The following ADGB variants were observed in gnomAD, a reference collection of about 807,000 sequenced individuals.
ADGB encodes the protein calpain-7-like protein.
Under a neutral mutation model 210.5 loss-of-function variants are expected in ADGB, and 172 were observed. The observed-to-expected ratio is 0.82, with a 90% CI of 0.72 to 0.93. The LOEUF (loss-of-function observed/expected upper bound fraction) is 0.93. ADGB is among the 40% of genes least tolerant of loss of function. ADGB has a pLI of 0.00. For synonymous variants in ADGB, 658 were observed against 662.7 expected (o/e 0.99, Z 0.11); for missense variants, 2,025 against 1,964.8 (o/e 1.03, Z -0.58).
intron 14 of ADGB, among the ~76,000 whole-genome samples, chr6:146,716,385 A>C: frequency 7.8e-6 from 1 of 128,590 alleles, no homozygotes; most frequent in African/African-American, 5.0e-5. Context: ...AGGTCAGGAG[A>C]TCGAGACCAT....
At chr6:146,695,060 A>G (rs1776384736) in intron 12 of ADGB, among the ~76,000 whole-genome samples, 1 of 152,164 alleles carries the variant, frequency 6.6e-6, no homozygotes, top group Non-Finnish European at 1.5e-5. Flanking sequence ...TGCTTCCTGG[A>G]TGAATCATAC....
At chr6:146,807,309 T>G in intron 35 of ADGB, 1 of 1,321,124 alleles carries the variant, frequency 7.6e-7, no homozygotes, top group South Asian at 1.4e-5. Flanking sequence ...TGTGTGGGCA[T>G]AAGGACAGGC....
rs190112363 is a variant in ADGB at position 146,627,462 on chromosome 6, G to T, written c.75-7913G>T. Among the ~76,000 whole-genome samples the T allele has an allele frequency of 1.9e-4, 29 of 152,098 alleles. No individual in the cohort carries two copies. The East Asian group carries it at 5.0e-3, about 26-fold the overall frequency. Reference sequence around the variant, plus strand: ...AACAGTCTGATTCTTTCATATCTTGGTTTTAAGATTTGTTACGTGGAACCA... The same window carrying T: ...AACAGTCTGATTCTTTCATATCTTGTTTTTAAGATTTGTTACGTGGAACCA... On this transcript the variant is annotated intron_variant, in intron 1 of 35. Coordinates refer to ENST00000397944, the MANE Select transcript of ADGB (RefSeq NM_024694.4).
intron 1 of ADGB, among the ~76,000 whole-genome samples, chr6:146,611,967 G>T (rs907011320): frequency 1.3e-5 from 2 of 152,106 alleles, no homozygotes; most frequent in Non-Finnish European, 1.5e-5. Context: ...AATGGCAAAA[G>T]CTTAAGATCT....
intron 9 of ADGB, among the ~76,000 whole-genome samples, chr6:146,683,804 T>C (rs1370371245): frequency 6.6e-6 from 1 of 152,026 alleles, no homozygotes; most frequent in Non-Finnish European, 1.5e-5. Context: ...ATAAGGAAAA[T>C]AAAAGTTCAA....
chr6:146,802,103 A>G, intron 35 of ADGB, 92 bp downstream of exon 35: 1 of 944,260 alleles, frequency 1.1e-6, no homozygotes, highest in East Asian at 3.4e-5. Flanking sequence ...TTTTGTATAG[A>G]AATAAGTCTT....
intron 5 of ADGB, 89 bp downstream of exon 5, chr6:146,657,069 C>A: frequency 8.1e-7 from 1 of 1,240,220 alleles, no homozygotes; most frequent in Non-Finnish European, 1.1e-6. Flanking sequence ...CCTGTAATCG[C>A]AGCACTTTGG....
intron 29 of ADGB, among the ~76,000 whole-genome samples, chr6:146,780,697 G>T (rs531954796): frequency 6.6e-6 from 1 of 151,984 alleles, no homozygotes; most frequent in East Asian, 1.9e-4. Flanking sequence ...AATACATGAA[G>T]CAAAAACTGA....
In ADGB at chr6:146,667,733, TA is replaced by T. The variant is rs368626351; in HGVS notation, c.839+833del. Among the ~76,000 whole-genome samples, 609 of 152,202 alleles carry T rather than the reference TA, an allele frequency of 4.0e-3. 1 individual carries two copies. The highest frequency in any genetic ancestry group is 0.014 in the African/African-American group (593 of 41,566). ...AATATAGAAACATAACAGCAACTTTTAATTGGCCACATCTATATGGAAATAA... is the reference window on the plus strand; with the variant it reads ...AATATAGAAACATAACAGCAACTTTTATTGGCCACATCTATATGGAAATAA... On this transcript the variant is annotated intron_variant, in intron 7 of 35. Coordinates refer to ENST00000397944, the MANE Select transcript of ADGB (RefSeq NM_024694.4).
intron 1 of ADGB, among the ~76,000 whole-genome samples, chr6:146,608,016 C>A (rs1780655728): frequency 6.6e-6 from 1 of 152,100 alleles, no homozygotes; most frequent in African/African-American, 2.4e-5. Context: ...TGCAGTGAAT[C>A]CATCTGGTCC....
intron 26 of ADGB, among the ~76,000 whole-genome samples, chr6:146,751,927 G>T (rs1330602374): frequency 6.6e-6 from 1 of 151,716 alleles, no homozygotes; most frequent in African/African-American, 2.4e-5. Context: ...TACTATATTG[G>T]GATCCTTTGC....
intron 1 of ADGB, among the ~76,000 whole-genome samples, chr6:146,610,537 C>A (rs557929195): frequency 3.9e-4 from 60 of 152,206 alleles, no homozygotes; most frequent in African/African-American, 1.4e-3. Flanking sequence ...TTCTTTGAAG[C>A]CCTTGAGGGT....
At chr6:146,659,964 A>T (rs2114888908) in intron 5 of ADGB, among the ~76,000 whole-genome samples, 1 of 152,298 alleles carries the variant, frequency 6.6e-6, no homozygotes, top group East Asian at 1.9e-4. Flanking sequence ...CCCAGTTGCC[A>T]TCAATATGTT....
chr6:146,617,186 T>C (rs920171625), intron 1 of ADGB, among the ~76,000 whole-genome samples: 2 of 152,252 alleles, frequency 1.3e-5, no homozygotes, highest in South Asian at 2.1e-4. Context: ...TATTTATAGG[T>C]ATTTTATTGT....
chr6:146,740,584 T>C lies in ADGB; in HGVS notation c.3014T>C (p.Ile1005Thr), dbSNP rs1777150918. 1 of 1,550,532 alleles carries C rather than the reference T, an allele frequency of 6.4e-7. No homozygotes were observed. The highest frequency in any genetic ancestry group is 2.0e-5 in the Admixed American group (1 of 50,860). The stretch of plus-strand genomic sequence containing the variant: ...GAACAGCCACCAAATTCTTGGTTTA[T>C]AGTATTCAGGTGAGGTTGTTATATA... ...YQEQPPNSWF[I>T]VFRETFLVHQ... Residue 1005 changes from isoleucine (I) to threonine (T), a missense_variant, in exon 24 of 36, where the codon ATA (isoleucine) becomes ACA (threonine). Ile to Thr is a moderately conservative substitution (Grantham distance 89). Transcript: ENST00000397944.
At chr6:146,671,865 C>A (rs1776012573) in intron 7 of ADGB, among the ~76,000 whole-genome samples, 2 of 152,078 alleles carry the variant, frequency 1.3e-5, no homozygotes, top group Admixed American at 6.6e-5. Context: ...TAAGGACCTT[C>A]TACATAAGTG....
At chr6:146,614,183 CCCTCCCTCCCTCCCTCCCTT>C (rs1363555210) in intron 1 of ADGB, among the ~76,000 whole-genome samples, 10 of 71,126 alleles carry the variant, frequency 1.4e-4, no homozygotes, top group African/African-American at 7.3e-4. Flanking sequence ...TTCTCTCCCT[CCCTCCCTCCCTCCCTCCCTT>C]CCTCCCTTCC....
chr6:146,715,672 C>A (rs919640997), intron 14 of ADGB, among the ~76,000 whole-genome samples: 11 of 152,090 alleles, frequency 7.2e-5, no homozygotes. Flanking sequence ...ACCCTGTGAT[C>A]GAAACACTAA....
chr6:146,751,913 A>G (rs886690814), intron 26 of ADGB, among the ~76,000 whole-genome samples: 1 of 152,124 alleles, frequency 6.6e-6, no homozygotes, highest in Non-Finnish European at 1.5e-5. Context: ...CTTTTGTTTT[A>G]CAGTACTATA....
Sources: allele counts gnomAD v4.1 joint callset (sites outside exome capture counted in the v4.1 genomes callset), GRCh38; gene constraint gnomAD v4.1.1; transcripts MANE v1.5; gene names NCBI Gene and HGNC (gene_info 2026-07-23, HGNC 2026-07-21).